KLHL1: variants seen among roughly 807,000 people sequenced by gnomAD.
KLHL1 encodes the protein kelch like family member 1, also known as kelch-like protein 1.
In KLHL1, 47 loss-of-function variants were observed where a neutral mutation model predicts 77.7. The ratio of observed to expected loss-of-function variants is 0.60; its 90% CI spans 0.48 to 0.77. KLHL1 has a LOEUF of 0.77. Among genes scored for constraint, KLHL1 ranks in the 30% least tolerant of loss-of-function variants. KLHL1 has a pLI of 0.00. For missense variants in KLHL1, 925 were observed against 910.8 expected (o/e 1.02, Z -0.20); for synonymous variants, 360 against 325.2 (o/e 1.11, Z -1.15).
At chr13:69,876,600 C>A (rs1880771822) in intron 5 of KLHL1, among the ~76,000 whole-genome samples, 1 of 152,120 alleles carries the variant, frequency 6.6e-6, no homozygotes, top group African/African-American at 2.4e-5. Flanking sequence ...AAGCTTTTTT[C>A]TTCTACCTTT....
intron 8 of KLHL1, among the ~76,000 whole-genome samples, chr13:69,727,565 G>A (rs1412396549): frequency 6.6e-6 from 1 of 152,100 alleles, no homozygotes; most frequent in African/African-American, 2.4e-5. Flanking sequence ...CAAGAAAAGA[G>A]AATGGAGAAA....
chr13:70,094,128 T>C (rs1281277653), intron 1 of KLHL1, among the ~76,000 whole-genome samples: 2 of 152,046 alleles, frequency 1.3e-5, no homozygotes, highest in Non-Finnish European at 2.9e-5. Context: ...AGTACCCTCT[T>C]ATCAGAGGTG....
chr13:70,010,107 A>G (rs1899330), intron 1 of KLHL1, among the ~76,000 whole-genome samples: 26,180 of 130,040 alleles, frequency 0.2, 2,386 homozygotes, highest in Non-Finnish European at 0.23. Context: ...TGGAAGAACA[A>G]AAGAGAGTGC....
intron 2 of KLHL1, among the ~76,000 whole-genome samples, chr13:69,974,399 AAAT>A (rs1202168629): frequency 6.6e-6 from 1 of 151,608 alleles, no homozygotes; most frequent in African/African-American, 2.4e-5. Context: ...TTGCATAACT[AAAT>A]AATTTAGAAA....
At chr13:69,761,561 T>C (rs1875021416) in intron 7 of KLHL1, among the ~76,000 whole-genome samples, 1 of 152,172 alleles carries the variant, frequency 6.6e-6, no homozygotes, top group Non-Finnish European at 1.5e-5. Context: ...CAATAATTAA[T>C]TGAATACCAG....
intron 1 of KLHL1, among the ~76,000 whole-genome samples, chr13:69,977,137 A>T (rs747041403): frequency 2.0e-5 from 3 of 152,100 alleles, no homozygotes; most frequent in Non-Finnish European, 4.4e-5. Flanking sequence ...GATTTCTTAT[A>T]CACAATGCCT....
chr13:70,003,734 T>C (rs529096572), intron 1 of KLHL1, among the ~76,000 whole-genome samples: 1 of 151,902 alleles, frequency 6.6e-6, no homozygotes, highest in South Asian at 2.1e-4. Context: ...TTGTACTACA[T>C]AACACATGGA....
intron 1 of KLHL1, among the ~76,000 whole-genome samples, chr13:70,058,970 C>T (rs1228914238): frequency 6.6e-6 from 1 of 152,082 alleles, no homozygotes; most frequent in East Asian, 1.9e-4. Flanking sequence ...AGAAGACAGT[C>T]TTTTCAATAA....
intron 3 of KLHL1, among the ~76,000 whole-genome samples, chr13:69,943,589 G>A (rs1392596078): frequency 6.6e-6 from 1 of 151,924 alleles, no homozygotes; most frequent in Non-Finnish European, 1.5e-5. Context: ...TAGCAAGCAT[G>A]AGCAAAAAGT....
At chr13:69,753,896 G>T (rs922370524) in intron 7 of KLHL1, among the ~76,000 whole-genome samples, 73 of 152,198 alleles carry the variant, frequency 4.8e-4, no homozygotes, top group African/African-American at 1.7e-3. Flanking sequence ...GAGTACAGTG[G>T]TGCAATCACA....
intron 5 of KLHL1, among the ~76,000 whole-genome samples, chr13:69,860,484 A>G (rs1253875629): frequency 1.3e-5 from 2 of 152,030 alleles, no homozygotes; most frequent in Non-Finnish European, 2.9e-5. Flanking sequence ...GCATGTATTT[A>G]AAAATGAATA....
In KLHL1 at chr13:69,780,721, T is replaced by TATACACAC. The variant is rs1555267671; in HGVS notation, c.1639+16016_1639+16017insGTGTGTAT. On this transcript the variant is annotated intron_variant, in intron 7 of 10. Coordinates refer to ENST00000377844, the MANE Select transcript of KLHL1 (RefSeq NM_020866.3). ...ATATATGTATATATATATATGTATA[T>TATACACAC]ATATATATATACATATATATATACA... is the stretch of plus-strand genomic sequence containing the variant. Among the ~76,000 whole-genome samples, 334 of 62,870 alleles carry TATACACAC rather than the reference T, an allele frequency of 5.3e-3. 10 individuals are homozygous for TATACACAC. Among genetic ancestry groups the TATACACAC allele is most frequent in the African/African-American group, 0.022 (318 of 14,562 alleles). 41.2% of individuals were successfully genotyped at this position (62,870 alleles called of 152,430 possible).
intron 4 of KLHL1, among the ~76,000 whole-genome samples, chr13:69,899,453 C>A (rs1244026786): frequency 6.6e-6 from 1 of 152,174 alleles, no homozygotes; most frequent in Non-Finnish European, 1.5e-5. Flanking sequence ...TCACCTCAAT[C>A]TTACGGTCTT....
At chr13:69,944,520 G>T (rs527637416) in intron 3 of KLHL1, among the ~76,000 whole-genome samples, 1 of 152,174 alleles carries the variant, frequency 6.6e-6, no homozygotes, top group South Asian at 2.1e-4. Context: ...TGAACGGGGC[G>T]TTAGTCTTGG....
intron 1 of KLHL1, among the ~76,000 whole-genome samples, chr13:70,053,071 T>C (rs1399995351): frequency 6.6e-6 from 1 of 151,794 alleles, no homozygotes; most frequent in African/African-American, 2.4e-5. Flanking sequence ...TGCAGAGAAA[T>C]AGACTGAAAA....
At chr13:70,088,808 T>C (rs1887606680) in intron 1 of KLHL1, among the ~76,000 whole-genome samples, 1 of 152,160 alleles carries the variant, frequency 6.6e-6, no homozygotes, top group South Asian at 2.1e-4. Flanking sequence ...TTTATATTCA[T>C]GTACATATGA....
chr13:69,710,798 G>T (rs2137879012), intron 9 of KLHL1, among the ~76,000 whole-genome samples: 1 of 145,796 alleles, frequency 6.9e-6, no homozygotes, highest in Non-Finnish European at 1.5e-5. Flanking sequence ...TAGTTGCCAG[G>T]TTTGTTTGTT....
chr13:70,040,388 G>C (rs1233113409), intron 1 of KLHL1, among the ~76,000 whole-genome samples: 2 of 152,128 alleles, frequency 1.3e-5, no homozygotes, highest in African/African-American at 4.8e-5. Flanking sequence ...ATCATTAGAA[G>C]CACAAACCTC....
intron 3 of KLHL1, among the ~76,000 whole-genome samples, chr13:69,945,440 C>T (rs1409972681): frequency 6.7e-6 from 1 of 150,276 alleles, no homozygotes; most frequent in East Asian, 1.9e-4. Flanking sequence ...CAGAATGAGA[C>T]CCTGCCTCTA....
Sources: gnomAD v4.1 joint callset for allele counts (sites outside exome capture counted in the v4.1 genomes callset) on GRCh38, gnomAD v4.1.1 for gene constraint, MANE v1.5 for transcripts, NCBI Gene and HGNC (gene_info 2026-07-23, HGNC 2026-07-21) for gene names.